DNM3: variants seen among roughly 807,000 people sequenced by gnomAD.
DNM3 encodes the protein dynamin 3, also known as dynamin-3.
Under a neutral mutation model 101.6 loss-of-function variants are expected in DNM3, and 47 were observed. The ratio of observed to expected loss-of-function variants is 0.46; its 90% CI spans 0.37 to 0.59. The LOEUF (loss-of-function observed/expected upper bound fraction) is 0.59. DNM3 is among the 20% of genes least tolerant of loss of function. DNM3 has a pLI of 0.00. For missense variants in DNM3, 849 were observed against 1,085.7 expected, an observed-to-expected ratio of 0.78 and a Z score of 3.06; for synonymous variants, 385 against 387.9, an observed-to-expected ratio of 0.99 and a Z score of 0.09.
intron 1 of DNM3, among the ~76,000 whole-genome samples, chr1:171,900,803 A>C (rs1381494641): frequency 6.6e-6 from 1 of 152,164 alleles, no homozygotes; most frequent in Non-Finnish European, 1.5e-5. Context: ...AAATATGCAT[A>C]TTATTGATAC....
intron 14 of DNM3, among the ~76,000 whole-genome samples, chr1:172,164,232 C>T (rs372329845): frequency 0.023 from 2,921 of 126,512 alleles, 177 homozygotes; most frequent in African/African-American, 0.086. Context: ...CTTTTCTTTT[C>T]TTTTTTTTTT....
At chr1:172,400,965 C>G (rs1002041216) in intron 20 of DNM3, among the ~76,000 whole-genome samples, 6 of 152,156 alleles carry the variant, frequency 3.9e-5, no homozygotes, top group African/African-American at 1.4e-4. Flanking sequence ...TTCTGAAACT[C>G]CTGAAGCAAA....
intron 14 of DNM3, among the ~76,000 whole-genome samples, chr1:172,220,335 A>G (rs189240030): frequency 4.9e-4 from 74 of 152,300 alleles, no homozygotes; most frequent in Middle Eastern, 6.8e-3. Context: ...GGAGCTGTAT[A>G]CAAATTGGCT....
chr1:172,106,946 C>T (rs1279509211), intron 13 of DNM3, among the ~76,000 whole-genome samples: 2 of 141,736 alleles, frequency 1.4e-5, no homozygotes, highest in Non-Finnish European at 1.5e-5. Context: ...CTGCAAGCTC[C>T]GCTTCCCGGG....
intron 17 of DNM3, among the ~76,000 whole-genome samples, chr1:172,355,043 C>CACAACCT (rs1267137293): frequency 3.3e-5 from 5 of 152,150 alleles, no homozygotes; most frequent in African/African-American, 1.2e-4. Context: ...ATAGGTTCCT[C>CACAACCT]ATTCTGTAAT....
At chr1:171,992,643 C>G (rs2045713605) in intron 4 of DNM3, among the ~76,000 whole-genome samples, 1 of 151,950 alleles carries the variant, frequency 6.6e-6, no homozygotes, top group South Asian at 2.1e-4. Context: ...ATTTACAGAC[C>G]TACTTGCCCC....
At chr1:172,052,658 G>T (rs2050288641) in intron 10 of DNM3, among the ~76,000 whole-genome samples, 1 of 151,986 alleles carries the variant, frequency 6.6e-6, no homozygotes, top group South Asian at 2.1e-4. Context: ...TATAAAGCTG[G>T]CACTCCTCTC....
chr1:172,366,089 C>T (rs2068002314), intron 17 of DNM3, among the ~76,000 whole-genome samples: 2 of 151,700 alleles, frequency 1.3e-5, no homozygotes, highest in Admixed American at 6.6e-5. Context: ...AATTAATTAG[C>T]TGGGCATGGT....
chr1:172,345,589 C>T (rs760464784), intron 17 of DNM3, among the ~76,000 whole-genome samples: 2 of 152,182 alleles, frequency 1.3e-5, no homozygotes, highest in Non-Finnish European at 2.9e-5. Context: ...TGCACACACA[C>T]TGTTATCCAT....
chr1:172,259,128 A>C (rs958374388), intron 15 of DNM3, among the ~76,000 whole-genome samples: 4 of 151,834 alleles, frequency 2.6e-5, no homozygotes, highest in Non-Finnish European at 5.9e-5. Flanking sequence ...TATGATTTTG[A>C]TTTTTAAAAA....
chr1:172,193,209 A>G (rs953138926), intron 14 of DNM3, among the ~76,000 whole-genome samples: 3 of 151,646 alleles, frequency 2.0e-5, no homozygotes, highest in Non-Finnish European at 1.5e-5. Flanking sequence ...CCTTGGCCCC[A>G]TCAAAAAGTG....
At chr1:172,083,563 G>T (rs1411343000) in intron 12 of DNM3, among the ~76,000 whole-genome samples, 1 of 152,174 alleles carries the variant, frequency 6.6e-6, no homozygotes, top group African/African-American at 2.4e-5. Context: ...AAGTGAAAAG[G>T]ATGCTGCCTT....
chr1:172,382,886 C>T (rs2068990795), intron 18 of DNM3, among the ~76,000 whole-genome samples: 1 of 152,158 alleles, frequency 6.6e-6, no homozygotes, highest in Non-Finnish European at 1.5e-5. Flanking sequence ...TAGCCTGCGC[C>T]CCTGGACCCC....
At chr1:172,244,880 A>T (rs2061892454) in intron 14 of DNM3, among the ~76,000 whole-genome samples, 1 of 152,222 alleles carries the variant, frequency 6.6e-6, no homozygotes, top group Non-Finnish European at 1.5e-5. Context: ...ACTATAAATC[A>T]TGCTGCTATA....
downstream of DNM3, among the ~76,000 whole-genome samples, chr1:172,414,326 A>T (rs1164002938): frequency 6.6e-6 from 1 of 152,258 alleles, no homozygotes; most frequent in East Asian, 1.9e-4. Flanking sequence ...AAAATTTCTC[A>T]AAGTGCATTC....
intron 14 of DNM3, among the ~76,000 whole-genome samples, chr1:172,206,196 A>C (rs1372218597): frequency 6.6e-6 from 1 of 152,150 alleles, no homozygotes; most frequent in African/African-American, 2.4e-5. Context: ...ATTGGAATCC[A>C]ATACTATCAG....
At chr1:172,271,467 G>A (rs2063082805) in intron 15 of DNM3, among the ~76,000 whole-genome samples, 1 of 151,950 alleles carries the variant, frequency 6.6e-6, no homozygotes, top group South Asian at 2.1e-4. Context: ...TTAATGTGTA[G>A]TTTAACAGAA....
At chr1:172,253,449 T>G in intron 14 of DNM3, 124 bp from the exon 15 acceptor site, 1 of 658,968 alleles carries the variant, frequency 1.5e-6, no homozygotes, top group Non-Finnish European at 2.6e-6. Flanking sequence ...TGTGTTGCCA[T>G]TGGCATGCCT....
intron 4 of DNM3, among the ~76,000 whole-genome samples, chr1:172,016,200 GA>G (rs569247039): frequency 2.1e-4 from 30 of 141,698 alleles, no homozygotes; most frequent in South Asian, 2.3e-4. Flanking sequence ...AAAAAAAAAA[GA>G]AAAAAAAAAG....
Sources: gnomAD v4.1 joint callset for allele counts (sites outside exome capture counted in the v4.1 genomes callset) on GRCh38, gnomAD v4.1.1 for gene constraint, MANE v1.5 for transcripts, NCBI Gene and HGNC (gene_info 2026-07-23, HGNC 2026-07-21) for gene names.